MAGI2: variants seen among roughly 807,000 people sequenced by gnomAD.
MAGI2 encodes the protein membrane-associated guanylate kinase, WW and PDZ domain-containing protein 2.
A neutral mutation model predicts 133.3 loss-of-function variants in MAGI2; 35 were observed. That is an observed-to-expected ratio of 0.26 (90% CI 0.20 to 0.35). The LOEUF (loss-of-function observed/expected upper bound fraction) is 0.35. Among genes scored for constraint, MAGI2 ranks in the 10% least tolerant of loss-of-function variants. The pLI is 1.00. For missense variants in MAGI2, 1,636 were observed against 1,863.4 expected, an observed-to-expected ratio of 0.88 and a Z score of 2.25; for synonymous variants, 729 against 710.6, an observed-to-expected ratio of 1.03 and a Z score of -0.41.
chr7:79,225,867 C>T (rs1274185016), intron 1 of MAGI2, among the ~76,000 whole-genome samples: 2 of 152,108 alleles, frequency 1.3e-5, no homozygotes, highest in Non-Finnish European at 2.9e-5. Flanking sequence ...CAGGAAAACA[C>T]ATTTTATGGC....
intron 1 of MAGI2, among the ~76,000 whole-genome samples, chr7:79,308,732 C>T (rs1838019850): frequency 6.6e-6 from 1 of 152,152 alleles, no homozygotes; most frequent in African/African-American, 2.4e-5. Context: ...TACCTGATCT[C>T]ATTTCTATTG....
intron 6 of MAGI2, among the ~76,000 whole-genome samples, chr7:78,473,319 A>G (rs959754789): frequency 1.3e-5 from 2 of 152,088 alleles, no homozygotes; most frequent in African/African-American, 2.4e-5. Context: ...AGGATAATAA[A>G]TTGAATCTAC....
chr7:79,116,034 G>C (rs115706456), intron 1 of MAGI2, among the ~76,000 whole-genome samples: 250 of 152,016 alleles, frequency 1.6e-3, no homozygotes, highest in African/African-American at 5.7e-3. Flanking sequence ...ACTCAGCAGC[G>C]AGGCAGACAA....
intron 1 of MAGI2, among the ~76,000 whole-genome samples, chr7:79,058,102 G>C (rs890332639): frequency 5.6e-5 from 8 of 143,152 alleles, no homozygotes; most frequent in Middle Eastern, 3.8e-3. Context: ...TGGTGGAGAG[G>C]GGGGAAGAAG....
chr7:78,496,709 G>A (rs775195342), intron 5 of MAGI2, among the ~76,000 whole-genome samples: 1 of 152,112 alleles, frequency 6.6e-6, no homozygotes, highest in Non-Finnish European at 1.5e-5. Flanking sequence ...TCAAAGTCTC[G>A]TCTATGAAAT....
At chr7:79,082,872 C>G (rs948921094) in intron 1 of MAGI2, among the ~76,000 whole-genome samples, 54 of 151,574 alleles carry the variant, frequency 3.6e-4, no homozygotes, top group African/African-American at 1.3e-3. Flanking sequence ...TTTAGGTCTT[C>G]TTTTACTTTT....
At chr7:78,100,978 G>GA (rs34778958) in intron 20 of MAGI2, among the ~76,000 whole-genome samples, 6 of 147,824 alleles carry the variant, frequency 4.1e-5, no homozygotes, top group African/African-American at 7.4e-5. Context: ...AAAATACTTA[G>GA]AAAAAAAAAA....
intron 20 of MAGI2, among the ~76,000 whole-genome samples, chr7:78,117,595 C>A (rs1379135589): frequency 6.6e-6 from 1 of 151,906 alleles, no homozygotes; most frequent in Non-Finnish European, 1.5e-5. Context: ...AAAAAGCATT[C>A]TCTTTAAGAT....
intron 1 of MAGI2, among the ~76,000 whole-genome samples, chr7:79,035,681 T>A (rs1415161109): frequency 2.0e-5 from 3 of 152,192 alleles, no homozygotes; most frequent in Non-Finnish European, 4.4e-5. Flanking sequence ...AAAATCAAGT[T>A]CTCAATTTAT....
At chr7:78,986,934 C>T (rs911836460) in intron 2 of MAGI2, among the ~76,000 whole-genome samples, 3 of 151,912 alleles carry the variant, frequency 2.0e-5, no homozygotes, top group Admixed American at 2.0e-4. Context: ...CTGTGAGTAG[C>T]TAGGAACCAG....
Position 79,045,942 on chromosome 7 carries a change from A to G in MAGI2, c.302-38736T>C, listed in dbSNP as rs1812139431. On this transcript the variant is annotated intron_variant, in intron 1 of 21. Transcript: ENST00000354212. ...GATAAAATAACATAAAACAATAATG[A>G]CCTTATACCAGTGTCAAATTGCTGG... Among the ~76,000 whole-genome samples, 4 of 152,176 alleles carry G rather than the reference A, an allele frequency of 2.6e-5. 1 individual carries two copies.
intron 2 of MAGI2, among the ~76,000 whole-genome samples, chr7:78,961,162 T>C (rs1176880438): frequency 3.9e-5 from 6 of 152,120 alleles, no homozygotes; most frequent in African/African-American, 1.4e-4. Flanking sequence ...AAATGAAAGG[T>C]AGGACTTTTA....
chr7:78,622,539 C>A (rs914524353), intron 3 of MAGI2, among the ~76,000 whole-genome samples: 3 of 152,002 alleles, frequency 2.0e-5, no homozygotes, highest in African/African-American at 7.2e-5. Flanking sequence ...GCACAGAATT[C>A]TGTATATCCT....
intron 21 of MAGI2, among the ~76,000 whole-genome samples, chr7:78,044,534 T>G (rs987012760): frequency 6.6e-6 from 1 of 152,228 alleles, no homozygotes; most frequent in Non-Finnish European, 1.5e-5. Context: ...CACAGCAGTA[T>G]GGAAGACTGG....
chr7:78,066,501 A>G (rs1325122136), intron 21 of MAGI2, among the ~76,000 whole-genome samples: 1 of 151,060 alleles, frequency 6.6e-6, no homozygotes, highest in Non-Finnish European at 1.5e-5. Flanking sequence ...GCTGGATATA[A>G]TTGCTTTCTG....
chr7:78,460,078 C>T (rs1789800596), intron 6 of MAGI2, among the ~76,000 whole-genome samples: 2 of 152,212 alleles, frequency 1.3e-5, no homozygotes, highest in African/African-American at 4.8e-5. Context: ...GTATAGCTGG[C>T]TTTCACTCTG....
rs148737451 is a variant in MAGI2 at position 78,197,548 on chromosome 7, A to T, written c.2080-2485T>A. Among the ~76,000 whole-genome samples, 71 of 152,336 alleles carry T rather than the reference A, an allele frequency of 4.7e-4. No homozygotes were observed. In the East Asian group the frequency reaches 0.01, roughly 22 times the overall value. On this transcript the variant is annotated intron_variant, in intron 11 of 21. Coordinates refer to ENST00000354212, the MANE Select transcript of MAGI2 (RefSeq NM_012301.4). ...ATTTCTAAAAAACAATCTTAAAACT[A>T]CAGAACAAGTAATGCTTTGGGCACT...
intron 15 of MAGI2, among the ~76,000 whole-genome samples, chr7:78,162,542 A>C (rs1356103159): frequency 6.6e-6 from 1 of 151,514 alleles, no homozygotes; most frequent in African/African-American, 2.4e-5. Flanking sequence ...AAAAACAAAA[A>C]ACAAAAACGA....
intron 7 of MAGI2, among the ~76,000 whole-genome samples, chr7:78,349,684 CA>C (rs1791292950): frequency 6.6e-6 from 1 of 152,116 alleles, no homozygotes; most frequent in Admixed American, 6.6e-5. Context: ...GCTATAGCAC[CA>C]TAAGCTAATT....
Sources: allele counts gnomAD v4.1 joint callset (sites outside exome capture counted in the v4.1 genomes callset), GRCh38; gene constraint gnomAD v4.1.1; transcripts MANE v1.5; gene names NCBI Gene and HGNC (gene_info 2026-07-23, HGNC 2026-07-21).